The following RBFOX1 variants were observed in gnomAD, a reference collection of about 807,000 sequenced individuals.
RBFOX1 encodes the protein RNA binding fox-1 homolog 1.
RBFOX1 carries 8 observed loss-of-function variants against 57.7 expected under a neutral mutation model. The ratio of observed to expected loss-of-function variants is 0.14; its 90% CI spans 0.08 to 0.25. RBFOX1 has a LOEUF of 0.25. RBFOX1 is among the 10% of genes least tolerant of loss of function. The pLI is 1.00. For synonymous variants in RBFOX1, 326 were observed against 222.4 expected (o/e 1.47, Z -4.15); for missense variants, 611 against 548.5 (o/e 1.11, Z -1.14).
At chr16:7,168,610 C>T (rs2080054036) in intron 4 of RBFOX1, among the ~76,000 whole-genome samples, 1 of 152,144 alleles carries the variant, frequency 6.6e-6, no homozygotes, top group South Asian at 2.1e-4. Context: ...GTTTACATCT[C>T]AGTGGAAGCA....
chr16:5,519,382 G>T (rs976175905), intron 2 of RBFOX1, among the ~76,000 whole-genome samples: 1 of 152,080 alleles, frequency 6.6e-6, no homozygotes, highest in African/African-American at 2.4e-5. Flanking sequence ...TTATCATTAT[G>T]GGATAAATGT....
chr16:6,993,360 T>A (rs927758400), intron 3 of RBFOX1, among the ~76,000 whole-genome samples: 1 of 152,152 alleles, frequency 6.6e-6, no homozygotes, highest in African/African-American at 2.4e-5. Flanking sequence ...ATAGGGCAAA[T>A]CCTCATTTAG....
At chr16:6,936,670 C>T (rs561249778) in intron 3 of RBFOX1, among the ~76,000 whole-genome samples, 3 of 151,872 alleles carry the variant, frequency 2.0e-5, no homozygotes, top group East Asian at 1.9e-4. Flanking sequence ...TTCACAGATA[C>T]AAAACTAAGG....
intron 1 of RBFOX1, among the ~76,000 whole-genome samples, chr16:5,396,681 G>A (rs1225698833): frequency 6.6e-6 from 1 of 152,076 alleles, no homozygotes; most frequent in Non-Finnish European, 1.5e-5. Context: ...GAAAGATCAA[G>A]ATTCAAGACC....
chr16:5,826,629 G>C (rs574939246), intron 3 of RBFOX1, among the ~76,000 whole-genome samples: 1 of 152,306 alleles, frequency 6.6e-6, no homozygotes, highest in South Asian at 2.1e-4. Context: ...GCAATAGTTT[G>C]CTAACCTCTA....
chr16:6,280,897 C>A (rs570199033), intron 1 of RBFOX1, among the ~76,000 whole-genome samples: 1 of 151,520 alleles, frequency 6.6e-6, no homozygotes, highest in African/African-American at 2.4e-5. Context: ...TGTCTAGGAG[C>A]GTGCTCAGTC....
At chr16:6,951,375 C>T (rs1221478687) in intron 3 of RBFOX1, among the ~76,000 whole-genome samples, 3 of 152,122 alleles carry the variant, frequency 2.0e-5, no homozygotes, top group Non-Finnish European at 4.4e-5. Flanking sequence ...AAATAAATCA[C>T]CCTAGTATAA....
chr16:7,571,056 G>C (rs1457195762), intron 5 of RBFOX1, among the ~76,000 whole-genome samples: 3 of 152,078 alleles, frequency 2.0e-5, no homozygotes, highest in Non-Finnish European at 4.4e-5. Flanking sequence ...CACAGGGAGG[G>C]GAACAACACA....
intron 3 of RBFOX1, among the ~76,000 whole-genome samples, chr16:6,834,091 G>C (rs2092912241): frequency 6.6e-6 from 1 of 151,874 alleles, no homozygotes; most frequent in South Asian, 2.1e-4. Context: ...TTGAGGCGGA[G>C]TCTCCCTCTT....
At chr16:5,746,916 T>A (rs535849441) in intron 3 of RBFOX1, among the ~76,000 whole-genome samples, 1 of 152,218 alleles carries the variant, frequency 6.6e-6, no homozygotes. Context: ...CTTTTCCTAA[T>A]TGAATACCCT....
At chr16:7,227,973 G>A (rs772004755) in intron 4 of RBFOX1, among the ~76,000 whole-genome samples, 4 of 152,166 alleles carry the variant, frequency 2.6e-5, no homozygotes, top group Non-Finnish European at 5.9e-5. Flanking sequence ...GTGCTCTGTA[G>A]GATGTTTAGC....
chr16:5,259,557 T>C (rs1202064251), intron 1 of RBFOX1, among the ~76,000 whole-genome samples: 1 of 152,192 alleles, frequency 6.6e-6, no homozygotes, highest in Non-Finnish European at 1.5e-5. Flanking sequence ...AAGTGAGCTT[T>C]CAGTGGGTGC....
At chr16:6,719,775 C>T (rs1477547582) in intron 3 of RBFOX1, among the ~76,000 whole-genome samples, 1 of 151,970 alleles carries the variant, frequency 6.6e-6, no homozygotes, top group African/African-American at 2.4e-5. Flanking sequence ...GTGCCAAATT[C>T]TTCTGGTTAT....
intron 3 of RBFOX1, among the ~76,000 whole-genome samples, chr16:6,886,715 A>G (rs2064116659): frequency 6.6e-6 from 1 of 151,696 alleles, no homozygotes; most frequent in Non-Finnish European, 1.5e-5. Context: ...AGATCGCACC[A>G]CCGCACTCCA....
At chr16:6,095,881 A>T (rs559560336) in intron 1 of RBFOX1, among the ~76,000 whole-genome samples, 1 of 152,130 alleles carries the variant, frequency 6.6e-6, no homozygotes, top group African/African-American at 2.4e-5. Context: ...TGCCTTGTCT[A>T]TCTCCTGGCG....
At chr16:7,277,778 G>C (rs1268018158) in intron 4 of RBFOX1, among the ~76,000 whole-genome samples, 1 of 152,072 alleles carries the variant, frequency 6.6e-6, no homozygotes, top group African/African-American at 2.4e-5. Flanking sequence ...GTCCAGTATA[G>C]AAAACAGGAA....
At chr16:5,652,602 C>T (rs1440968535) in intron 3 of RBFOX1, among the ~76,000 whole-genome samples, 1 of 152,228 alleles carries the variant, frequency 6.6e-6, no homozygotes, top group East Asian at 1.9e-4. Context: ...TTTGCACGTC[C>T]TCCTCTCAGC....
chr16:5,388,050 T>C lies in RBFOX1; in HGVS notation c.220-79166T>C, dbSNP rs533911296. 1.2e-4 allele frequency among the ~76,000 whole-genome samples: 19 copies of C among 152,266 alleles called. 1 individual carries two copies. Among genetic ancestry groups the C allele is most frequent in the South Asian group, 8.3e-4 (4 of 4,822 alleles). On this transcript the variant is annotated intron_variant, in intron 1 of 2. Transcript: ENST00000585867. Reference sequence around the variant, plus strand: ...ATGAAGAAGAAAATGAATAATCCCATAGAAACGCCAGGAAGGAACACAACC... The same window carrying C: ...ATGAAGAAGAAAATGAATAATCCCACAGAAACGCCAGGAAGGAACACAACC...
rs561541376 is a variant in RBFOX1 at position 6,275,924 on chromosome 16, C to T, written c.-126-41071C>T. Among the ~76,000 whole-genome samples, 6 of 152,270 alleles carry T rather than the reference C, an allele frequency of 3.9e-5. No homozygotes were observed. In the South Asian group the frequency reaches 6.2e-4, roughly 16 times the overall value. On this transcript the variant is annotated intron_variant, in intron 1 of 15. Transcript: ENST00000550418. ...CTAATACTTCCCTCCCCAGTTGATA[C>T]GTGATGGCAAGCCAGGGTGAGTTTT... is the stretch of plus-strand genomic sequence containing the variant.
Sources: gnomAD v4.1 joint callset for allele counts (sites outside exome capture counted in the v4.1 genomes callset) on GRCh38, gnomAD v4.1.1 for gene constraint, MANE v1.5 for transcripts, NCBI Gene and HGNC (gene_info 2026-07-23, HGNC 2026-07-21) for gene names.